CEP112: variants seen among roughly 807,000 people sequenced by gnomAD.
CEP112 encodes the protein centrosomal protein 112.
A neutral mutation model predicts 153.0 loss-of-function variants in CEP112; 127 were observed. The ratio of observed to expected loss-of-function variants is 0.83; its 90% CI spans 0.72 to 0.96. The LOEUF is 0.96. CEP112 is among the 40% of genes least tolerant of loss of function. The pLI is 0.00. For synonymous variants in CEP112, 358 were observed against 374.4 expected (o/e 0.96, Z 0.51); for missense variants, 1,089 against 1,101.2 (o/e 0.99, Z 0.16).
chr17:65,760,792 T>C (rs2052566286), intron 21 of CEP112, among the ~76,000 whole-genome samples: 1 of 152,180 alleles, frequency 6.6e-6, no homozygotes, highest in Non-Finnish European at 1.5e-5. Context: ...CCTCTGTTTT[T>C]ATCTTTTGAA....
At chr17:65,969,630 C>T (rs72831528) in intron 17 of CEP112, among the ~76,000 whole-genome samples, 162 of 152,304 alleles carry the variant, frequency 1.1e-3, no homozygotes, top group Non-Finnish European at 1.8e-3. Context: ...ATGCACTGCA[C>T]ACATATTGCA....
intron 20 of CEP112, among the ~76,000 whole-genome samples, chr17:65,864,703 T>C (rs1483177859): frequency 6.6e-6 from 1 of 152,318 alleles, no homozygotes; most frequent in African/African-American, 2.4e-5. Flanking sequence ...TGCTCATGGC[T>C]GTTGGCTAAA....
At chr17:65,816,435 C>T (rs192296703) in intron 21 of CEP112, among the ~76,000 whole-genome samples, 9 of 151,918 alleles carry the variant, frequency 5.9e-5, no homozygotes, top group African/African-American at 1.9e-4. Context: ...TATCCCCCAC[C>T]CCCTTCCCAC....
intron 23 of CEP112, among the ~76,000 whole-genome samples, chr17:65,690,528 T>G (rs1418179091): frequency 6.6e-6 from 1 of 150,704 alleles, no homozygotes; most frequent in Non-Finnish European, 1.5e-5. Flanking sequence ...ATAACCGTGA[T>G]GAGTGCAGAA....
At chr17:65,975,069 A>G (rs1017596231) in intron 17 of CEP112, among the ~76,000 whole-genome samples, 3 of 152,254 alleles carry the variant, frequency 2.0e-5, no homozygotes, top group African/African-American at 7.2e-5. Flanking sequence ...AAGGGGGAAT[A>G]AATAACCAAA....
chr17:65,723,079 T>A (rs746099941), intron 23 of CEP112, among the ~76,000 whole-genome samples: 2 of 152,268 alleles, frequency 1.3e-5, no homozygotes, highest in Non-Finnish European at 2.9e-5. Context: ...GAAGAATACA[T>A]GTGCTTCAGA....
At chr17:65,639,473 C>T (rs1185767622) in intron 25 of CEP112, among the ~76,000 whole-genome samples, 3 of 151,828 alleles carry the variant, frequency 2.0e-5, no homozygotes, top group Admixed American at 6.6e-5. Flanking sequence ...GTCAGGAGTT[C>T]GAGACCAGCC....
At chr17:65,722,097 C>T (rs1188848673) in intron 23 of CEP112, among the ~76,000 whole-genome samples, 4 of 152,254 alleles carry the variant, frequency 2.6e-5, no homozygotes, top group Middle Eastern at 3.4e-3. Flanking sequence ...GAGGGGAAGA[C>T]CAGGCTTAGA....
chr17:66,073,994 A>T (rs914786326), intron 8 of CEP112, among the ~76,000 whole-genome samples: 75 of 152,198 alleles, frequency 4.9e-4, no homozygotes, highest in African/African-American at 1.8e-3. Context: ...TAAGTTAATA[A>T]GGCCCAAGAT....
chr17:66,046,141 C>A (rs1187776277), intron 12 of CEP112, among the ~76,000 whole-genome samples: 2 of 151,892 alleles, frequency 1.3e-5, no homozygotes, highest in African/African-American at 4.8e-5. Flanking sequence ...CTCCTGGGTT[C>A]ACGCCATCCT....
chr17:65,798,520 T>C (rs2055070079), intron 21 of CEP112, among the ~76,000 whole-genome samples: 1 of 152,176 alleles, frequency 6.6e-6, no homozygotes, highest in Admixed American at 6.5e-5. Context: ...ACTAAAGTTA[T>C]AGTAGACCTA....
chr17:66,110,005 A>G (rs990746200), intron 6 of CEP112, among the ~76,000 whole-genome samples: 2 of 152,132 alleles, frequency 1.3e-5, no homozygotes, highest in African/African-American at 4.8e-5. Flanking sequence ...CTAAAAATAC[A>G]AAAAATTTGC....
chr17:66,125,657 C>T (rs1235323648), intron 6 of CEP112, among the ~76,000 whole-genome samples: 2 of 151,668 alleles, frequency 1.3e-5, no homozygotes, highest in Non-Finnish European at 2.9e-5. Context: ...AATCATACCA[C>T]AAAGTACCCC....
intron 26 of CEP112, 100 bp from the exon 27 acceptor site, chr17:65,636,074 A>G (rs1646096216): frequency 8.9e-7 from 1 of 1,125,006 alleles, no homozygotes; most frequent in African/African-American, 1.5e-5. Context: ...GGGGTTGAAA[A>G]GGCTATTTGA....
At chr17:66,083,201 C>T (rs1163770344) in intron 8 of CEP112, among the ~76,000 whole-genome samples, 2 of 152,106 alleles carry the variant, frequency 1.3e-5, no homozygotes, top group African/African-American at 4.8e-5. Context: ...GTGCTGTTCT[C>T]ATGATAGTGA....
chr17:65,717,605 C>A (rs2049605565), intron 23 of CEP112, among the ~76,000 whole-genome samples: 1 of 152,152 alleles, frequency 6.6e-6, no homozygotes, highest in African/African-American at 2.4e-5. Context: ...AGTTCAGTGT[C>A]CAGCACAGTG....
chr17:65,979,351 A>G (rs1427219020), intron 17 of CEP112, among the ~76,000 whole-genome samples: 1 of 151,992 alleles, frequency 6.6e-6, no homozygotes, highest in African/African-American at 2.4e-5. Flanking sequence ...CTCCCACCTC[A>G]GCCTCCCAAG....
intron 21 of CEP112, among the ~76,000 whole-genome samples, chr17:65,805,272 A>C (rs1178795894): frequency 1.3e-5 from 2 of 152,204 alleles, no homozygotes; most frequent in Non-Finnish European, 2.9e-5. Flanking sequence ...CCCAGAGATC[A>C]GAGTTCCAGT....
intron 19 of CEP112, 78 bp from the exon 20 acceptor site, chr17:65,902,412 T>C: frequency 1.6e-6 from 2 of 1,220,112 alleles, no homozygotes; most frequent in Non-Finnish European, 1.1e-6. Context: ...GCTTAATTTT[T>C]CTCTAATTTG....
Sources: allele counts gnomAD v4.1 joint callset (sites outside exome capture counted in the v4.1 genomes callset), GRCh38; gene constraint gnomAD v4.1.1; transcripts MANE v1.5; gene names NCBI Gene and HGNC (gene_info 2026-07-23, HGNC 2026-07-21).